TRIM46: variants seen among roughly 807,000 people sequenced by gnomAD.
TRIM46 encodes tripartite motif-containing protein 46.
Under a neutral mutation model 69.7 loss-of-function variants are expected in TRIM46, and 17 were observed. That is an observed-to-expected ratio of 0.24 (90% CI 0.17 to 0.37). TRIM46 has a LOEUF of 0.37. Ranked by LOEUF, TRIM46 falls within the 10% of genes least tolerant of loss-of-function variation. TRIM46 has a pLI of 1.00. For synonymous variants in TRIM46, 391 were observed against 429.0 expected (o/e 0.91, Z 1.09); for missense variants, 675 against 1,025.1 (o/e 0.66, Z 4.66).
intron 6 of TRIM46, 37 bp downstream of exon 6, chr1:155,178,292 A>T: frequency 6.4e-7 from 1 of 1,568,676 alleles, no homozygotes; most frequent in Non-Finnish European, 8.6e-7. Context: ...GGGCAGGGAC[A>T]TCATGGATGT....
intron 7 of TRIM46, 62 bp from the exon 8 acceptor site, chr1:155,179,570 C>A: frequency 6.7e-7 from 1 of 1,492,006 alleles, no homozygotes; most frequent in South Asian, 1.3e-5. Flanking sequence ...CCTGCCTGCC[C>A]CTGCCCTCCA....
At chr1:155,174,560 A>G (rs1665461812) in intron 1 of TRIM46, 3 of 1,472,120 alleles carry the variant, frequency 2.0e-6, no homozygotes, top group Admixed American at 4.8e-5. Context: ...CCCCCCCACC[A>G]CTTCCTCCCC....
chr1:155,177,147 G>A, intron 4 of TRIM46, 48 bp from the exon 5 acceptor site: 2 of 1,613,950 alleles, frequency 1.2e-6, no homozygotes, highest in Non-Finnish European at 1.7e-6. Flanking sequence ...CCCAACTGCT[G>A]GCTTCTGCAG....
At chr1:155,178,400 T>A in intron 6 of TRIM46, 92 bp from the exon 7 acceptor site, 1 of 1,591,860 alleles carries the variant, frequency 6.3e-7, no homozygotes, top group Non-Finnish European at 8.5e-7. Flanking sequence ...CCCAAAGCAG[T>A]TCCCAAGGCT....
chr1:155,173,976 G>A lies in TRIM46; in HGVS notation c.10G>A (p.Gly4Ser), dbSNP rs371820288. The change falls in exon 1 of 10, where the codon GGT (glycine) becomes AGT (serine). Residue 4 changes from glycine to serine, a missense_variant. By Grantham distance (56) the Gly-to-Ser change is moderately conservative. Coordinates refer to ENST00000334634, the MANE Select transcript of TRIM46 (RefSeq NM_025058.5). MAE[G>S]EDMQTFTSIM... is the part of the protein sequence containing the mutation. Reference sequence around the variant, plus strand: ...CGGGCACGGTAGGGCCATGGCAGAGGGTGAGGATATGCAGACCTTCACTTC... The same window carrying A: ...CGGGCACGGTAGGGCCATGGCAGAGAGTGAGGATATGCAGACCTTCACTTC... 3 of 1,575,430 alleles carry A rather than the reference G, an allele frequency of 1.9e-6. No homozygotes were observed. Among genetic ancestry groups the A allele is most frequent in the East Asian group, 2.4e-5 (1 of 42,514 alleles).
intron 1 of TRIM46, among the ~76,000 whole-genome samples, chr1:155,174,232 G>A (rs1307227156): frequency 6.6e-6 from 1 of 152,128 alleles, no homozygotes; most frequent in Non-Finnish European, 1.5e-5. Context: ...TGAAGGCGTC[G>A]GTGTGCTGGA....
Position 155,177,004 on chromosome 1 carries a change from C to T in TRIM46, c.742C>T (p.Leu248Phe), listed in dbSNP as rs1377087793. The T allele has an allele frequency of 6.2e-7, 1 of 1,614,260 alleles. No homozygotes were observed. Among genetic ancestry groups the T allele is most frequent in the Non-Finnish European group, 8.5e-7 (1 of 1,180,034 alleles). Residue 248 changes from leucine to phenylalanine, a missense_variant, in exon 4 of 10, where the codon CTC (leucine) becomes TTC (phenylalanine). Transcript: ENST00000334634. ...GACATGCCAACGCCTGGTATGTCAA[C>T]TCTGCCGGGTGCGGCGCACCCACAG... ...CKTCQRLVCQ[L>F]CRVRRTHSGH...
At chr1:155,176,381 C>T in intron 3 of TRIM46, 150 bp downstream of exon 3, 1 of 771,666 alleles carries the variant, frequency 1.3e-6, no homozygotes, top group South Asian at 1.9e-5. Context: ...AGTCACTGGA[C>T]AAATCATTCA....
rs763767825 is a variant in TRIM46, at chr1:155,176,025, C to A, written c.463C>A (p.Arg155Ser). The A allele has an allele frequency of 1.2e-6, 2 of 1,614,094 alleles. No homozygotes were observed. Among genetic ancestry groups the A allele is most frequent in the South Asian group, 2.2e-5 (2 of 91,084 alleles). The part of the protein sequence containing the change: ...AGLFRNLTLE[R>S]VVERYRQSVS... The stretch of plus-strand genomic sequence containing the variant: ...GCTTTTCCGGAACCTGACCCTGGAG[C>A]GTGTGGTGGAGCGGTACCGCCAGAG... The change falls in exon 3 of 10, where the codon CGT becomes AGT. Residue 155 changes from arginine to serine, a missense_variant. This residue lies in a region of TRIM46 where 170 missense variants were observed against 255.6 expected (regional missense o/e 0.67). Coordinates refer to ENST00000334634, the MANE Select transcript of TRIM46 (RefSeq NM_025058.5).
intron 1 of TRIM46, among the ~76,000 whole-genome samples, 169 bp downstream of exon 1, chr1:155,174,198 G>A (rs908559599): frequency 6.6e-6 from 1 of 152,134 alleles, no homozygotes; most frequent in African/African-American, 2.4e-5. Context: ...GGTAATCCCG[G>A]GAGCAGCCCG....
At chr1:155,179,420 T>C (rs984324860) in intron 7 of TRIM46, among the ~76,000 whole-genome samples, 2 of 152,176 alleles carry the variant, frequency 1.3e-5, no homozygotes, top group African/African-American at 4.8e-5. Flanking sequence ...ACAGGTGTCC[T>C]GACCCCCAGC....
chr1:155,174,568 C>A, intron 1 of TRIM46: 1 of 1,509,738 alleles, frequency 6.6e-7, no homozygotes. Context: ...CCACTTCCTC[C>A]CCCCCTCCTT....
Position 155,177,332 on chromosome 1 carries a change from A to T in TRIM46, c.909+42A>T, listed in dbSNP as rs781665585. On this transcript the variant is annotated intron_variant, in intron 5 of 9. Coordinates refer to ENST00000334634, the MANE Select transcript of TRIM46 (RefSeq NM_025058.5). ...AGGTAGGCCCTGGGCCCTGCCTGGGAGTAGGGGCAGGAAGGGGGTGTGGGT... is the reference window on the plus strand; with the variant it reads ...AGGTAGGCCCTGGGCCCTGCCTGGGTGTAGGGGCAGGAAGGGGGTGTGGGT... 5.2e-6 allele frequency: 8 copies of T among 1,527,932 alleles called. No individual in the cohort carries two copies. In the South Asian group the frequency reaches 9.0e-5, roughly 17 times the overall value. 94.6% of individuals were successfully genotyped at this position (1,527,932 alleles called of 1,614,324 possible). A position where few individuals can be genotyped will look rare whatever the true frequency, so the allele number is the denominator to read the frequency against.
At chr1:155,177,903 C>T in intron 5 of TRIM46, 99 bp from the exon 6 acceptor site, 1 of 1,505,728 alleles carries the variant, frequency 6.6e-7, no homozygotes, top group South Asian at 1.3e-5. Flanking sequence ...TCCCTTGTGA[C>T]CTTAGCCATG....
In TRIM46 at chr1:155,175,204, G is replaced by A. The variant is rs532001705; in HGVS notation, c.64-182G>A. On this transcript the variant is annotated intron_variant, in intron 1 of 9. Coordinates refer to ENST00000334634, the MANE Select transcript of TRIM46 (RefSeq NM_025058.5). The surrounding 1 kb of genome is among the most constrained non-coding windows in gnomAD (Gnocchi z 4.2). ...CCTTTAGCTCTGCAGCGGGGAAAGA[G>A]AAGCAAGGGACAGAGGTCTGGGAAG... The A allele has an allele frequency of 1.4e-6, 2 of 1,468,726 alleles. No individual in the cohort carries two copies. The highest frequency in any genetic ancestry group is 2.4e-5 in the East Asian group (1 of 41,342). 91.0% of individuals were successfully genotyped at this position (1,468,726 alleles called of 1,614,324 possible).
intron 7 of TRIM46, 126 bp downstream of exon 7, chr1:155,178,739 T>TTGGCGCC: frequency 1.5e-6 from 2 of 1,348,472 alleles, no homozygotes; most frequent in Non-Finnish European, 2.0e-6. Flanking sequence ...CAGCCATTCC[T>TTGGCGCC]CCCACCCAGC....
rs1666187040 is a variant in TRIM46 at position 155,181,730 on chromosome 1, T to C, written c.1589-122T>C. On this transcript the variant is annotated intron_variant, in intron 8 of 9. Coordinates refer to ENST00000334634, the MANE Select transcript of TRIM46 (RefSeq NM_025058.5). The surrounding 1 kb of genome is among the most constrained non-coding windows in gnomAD (Gnocchi z 4.3). ...CCATGTCCTGTTCTCCTGAACCCCC[T>C]GCCTGTTCCTGGTGACTGAACCCCC... 9.2e-7 allele frequency: 1 copy of C among 1,082,642 alleles called. No individual in the cohort carries two copies. The highest frequency in any genetic ancestry group is 1.3e-6 in the Non-Finnish European group (1 of 750,120). 67.1% of individuals were successfully genotyped at this position (1,082,642 alleles called of 1,614,324 possible).
chr1:155,182,371 C>T (rs1385803135), intron 9 of TRIM46: 1 of 596,240 alleles, frequency 1.7e-6, no homozygotes, highest in Admixed American at 3.0e-5. Flanking sequence ...GTCGTGTGGT[C>T]AGGGAAAGGG....
chr1:155,181,768 C>T lies in TRIM46; in HGVS notation c.1589-84C>T, dbSNP rs1666189425. 3 of 1,481,170 alleles carry T rather than the reference C, an allele frequency of 2.0e-6. No homozygotes were observed. The highest frequency in any genetic ancestry group is 1.9e-5 in the Admixed American group (1 of 53,052). The allele number at this position is 1,481,170 out of a possible 1,614,324, so 91.8% of individuals were successfully genotyped here. On this transcript the variant is annotated intron_variant, in intron 8 of 9. Transcript: ENST00000334634. The surrounding 1 kb of genome is among the most constrained non-coding windows in gnomAD (Gnocchi z 4.3). ...TGACTGAACCCCCTTGCAACGCGTT[C>T]CCTGTTCTGCAGTCTCACAGCCCCC... is the stretch of plus-strand genomic sequence containing the variant.
Sources: allele counts gnomAD v4.1 joint callset (sites outside exome capture counted in the v4.1 genomes callset), GRCh38; gene constraint gnomAD v4.1.1; regional missense constraint gnomAD v4.1.1; non-coding constraint Gnocchi (gnomAD v3.1); transcripts MANE v1.5; gene names NCBI Gene and HGNC (gene_info 2026-07-23, HGNC 2026-07-21).